LRRIQ3: variants seen among roughly 807,000 people sequenced by gnomAD.
The protein encoded by LRRIQ3 is leucine-rich repeat and IQ domain-containing protein 3.
In LRRIQ3, 75 loss-of-function variants were observed where a neutral mutation model predicts 59.3. The observed-to-expected ratio is 1.26, with a 90% CI of 1.05 to 1.53. The LOEUF is 1.53. LRRIQ3 is among the 40% of genes most tolerant of loss of function. The pLI is 0.00. For missense variants in LRRIQ3, 831 were observed against 710.0 expected (o/e 1.17, Z -1.94); for synonymous variants, 250 against 231.3 (o/e 1.08, Z -0.73).
At chr1:74,187,502 A>C (rs549064103) in intron 1 of LRRIQ3, among the ~76,000 whole-genome samples, 15 of 152,068 alleles carry the variant, frequency 9.9e-5, no homozygotes, top group Admixed American at 9.8e-4. Context: ...ACCAAATATC[A>C]TAAGTTCTCA....
chr1:74,107,240 T>G (rs1646627624), intron 5 of LRRIQ3, among the ~76,000 whole-genome samples: 1 of 152,054 alleles, frequency 6.6e-6, no homozygotes. Context: ...GATTACTTCA[T>G]CTAATTACTG....
intron 7 of LRRIQ3, among the ~76,000 whole-genome samples, chr1:74,040,549 A>G (rs1381185451): frequency 6.6e-6 from 1 of 152,152 alleles, no homozygotes; most frequent in Non-Finnish European, 1.5e-5. Context: ...AAGTAAAACC[A>G]TCCTCAGCAA....
chr1:74,093,947 AGACT>A (rs1391268391), intron 5 of LRRIQ3, among the ~76,000 whole-genome samples: 1 of 152,088 alleles, frequency 6.6e-6, no homozygotes, highest in African/African-American at 2.4e-5. Context: ...GGGCTTCCAT[AGACT>A]GACTGGCTTA....
chr1:74,040,781 G>A (rs188050369), intron 7 of LRRIQ3, among the ~76,000 whole-genome samples: 12 of 152,304 alleles, frequency 7.9e-5, no homozygotes, highest in African/African-American at 2.6e-4. Flanking sequence ...CTGGGACACA[G>A]CTAAAGCAGT....
intron 3 of LRRIQ3, among the ~76,000 whole-genome samples, chr1:74,174,669 C>A (rs113989205): frequency 5.9e-5 from 9 of 151,816 alleles, no homozygotes; most frequent in African/African-American, 2.2e-4. Flanking sequence ...GCTGGGATTA[C>A]AGGCATGAGT....
chr1:74,031,945 C>T (rs938258105), intron 7 of LRRIQ3, among the ~76,000 whole-genome samples: 1 of 151,550 alleles, frequency 6.6e-6, no homozygotes, highest in Non-Finnish European at 1.5e-5. Flanking sequence ...AAGGTCTATA[C>T]CTAAAAATGA....
intron 3 of LRRIQ3, among the ~76,000 whole-genome samples, chr1:74,167,825 C>G (rs1649083904): frequency 6.6e-6 from 1 of 151,978 alleles, no homozygotes; most frequent in Non-Finnish European, 1.5e-5. Flanking sequence ...CACACACACA[C>G]ACACACGAAA....
At chr1:74,059,522 C>A (rs1419234876) in intron 6 of LRRIQ3, among the ~76,000 whole-genome samples, 1 of 152,050 alleles carries the variant, frequency 6.6e-6, no homozygotes, top group East Asian at 1.9e-4. Context: ...ATTATCTTGG[C>A]ACACTTGTCA....
intron 5 of LRRIQ3, among the ~76,000 whole-genome samples, chr1:74,102,067 A>C (rs540789019): frequency 1.3e-5 from 2 of 151,992 alleles, no homozygotes; most frequent in African/African-American, 4.8e-5. Context: ...ATTAAAAAAA[A>C]AAAAAGAAAA....
chr1:74,122,698 A>C (rs1646877854), intron 4 of LRRIQ3, among the ~76,000 whole-genome samples: 1 of 152,180 alleles, frequency 6.6e-6, no homozygotes, highest in Non-Finnish European at 1.5e-5. Flanking sequence ...TTAAAGACTT[A>C]AATGTTAGAC....
intron 6 of LRRIQ3, among the ~76,000 whole-genome samples, chr1:74,046,842 T>C (rs1311511874): frequency 1.3e-5 from 2 of 152,130 alleles, no homozygotes; most frequent in East Asian, 3.9e-4. Flanking sequence ...AAAAAACATA[T>C]GAGAAAAAGC....
At chr1:74,067,121 A>G (rs1654888431) in intron 6 of LRRIQ3, among the ~76,000 whole-genome samples, 1 of 152,128 alleles carries the variant, frequency 6.6e-6, no homozygotes, top group African/African-American at 2.4e-5. Flanking sequence ...ACTCCTAAAA[A>G]ATGACAACTG....
chr1:74,183,381 A>T, intron 2 of LRRIQ3, 55 bp downstream of exon 2: 1 of 1,451,172 alleles, frequency 6.9e-7, no homozygotes, highest in Non-Finnish European at 9.2e-7. Context: ...ATAAGTACTT[A>T]TTATAAGACT....
intron 4 of LRRIQ3, among the ~76,000 whole-genome samples, chr1:74,133,578 T>C (rs537295790): frequency 6.6e-6 from 1 of 152,200 alleles, no homozygotes; most frequent in East Asian, 1.9e-4. Context: ...TGGATGAAGC[T>C]GGAAACCATC....
intron 4 of LRRIQ3, among the ~76,000 whole-genome samples, chr1:74,136,145 A>G (rs1226801117): frequency 6.6e-6 from 1 of 151,942 alleles, no homozygotes; most frequent in East Asian, 1.9e-4. Flanking sequence ...AAATGGATGA[A>G]TTCCTTAAAA....
intron 5 of LRRIQ3, among the ~76,000 whole-genome samples, chr1:74,101,982 A>T (rs1646540307): frequency 6.6e-6 from 1 of 151,976 alleles, no homozygotes; most frequent in Non-Finnish European, 1.5e-5. Flanking sequence ...TGGGTGCAGC[A>T]CACCAACATG....
At chr1:74,116,186 G>C (rs1168367054) in intron 4 of LRRIQ3, among the ~76,000 whole-genome samples, 2 of 152,018 alleles carry the variant, frequency 1.3e-5, no homozygotes, top group Non-Finnish European at 2.9e-5. Context: ...ATGTGTTGGT[G>C]TAGAGAGAAT....
intron 4 of LRRIQ3, among the ~76,000 whole-genome samples, chr1:74,136,103 G>T (rs1000832909): frequency 1.3e-5 from 2 of 151,814 alleles, no homozygotes; most frequent in African/African-American, 4.8e-5. Context: ...ATGAGAAATA[G>T]TATTATGCCA....
intron 6 of LRRIQ3, among the ~76,000 whole-genome samples, chr1:74,073,891 T>C (rs1480374208): frequency 6.6e-6 from 1 of 152,176 alleles, no homozygotes; most frequent in Admixed American, 6.5e-5. Context: ...TATCTAATCA[T>C]GACAAATTTT....
Sources: allele counts gnomAD v4.1 joint callset (sites outside exome capture counted in the v4.1 genomes callset), GRCh38; gene constraint gnomAD v4.1.1; transcripts MANE v1.5; gene names NCBI Gene and HGNC (gene_info 2026-07-23, HGNC 2026-07-21).